SCUBE2: variants seen among roughly 807,000 people sequenced by gnomAD.
The protein encoded by SCUBE2 is signal peptide, CUB domain and EGF like domain containing 2, also known as signal peptide, CUB and EGF-like domain-containing protein 2.
In SCUBE2, 114 loss-of-function variants were observed where a neutral mutation model predicts 125.9. The observed-to-expected ratio is 0.91, with a 90% confidence interval of 0.78 to 1.06. The LOEUF (loss-of-function observed/expected upper bound fraction) is 1.06, where lower values mean the gene tolerates loss of function less well. Ranked by LOEUF, SCUBE2 falls within the 50% of genes least tolerant of loss-of-function variation. The probability of loss-of-function intolerance (pLI) is 0.00; values close to 1 mark genes in which losing one functional copy is unlikely to be tolerated. For synonymous variants in SCUBE2, 459 were observed against 492.9 expected, an observed-to-expected ratio of 0.93 and a Z score of 0.91; for missense variants, 1,255 against 1,301.8, an observed-to-expected ratio of 0.96 and a Z score of 0.55.
At chr11:9,073,691 C>T (rs11042171) in intron 4 of SCUBE2, among the ~76,000 whole-genome samples, 6,883 of 152,150 alleles carry the variant, frequency 0.045, 230 homozygotes, top group Non-Finnish European at 0.063. Flanking sequence ...AGATGCAACT[C>T]CAAGAGGAAC....
In SCUBE2 at chr11:9,048,057, G is replaced by A. The variant is rs1857983591; in HGVS notation, c.1681C>T (p.Leu561Phe). Residue 561 changes from leucine (L) to phenylalanine (F), a missense_variant, in exon 15 of 23, where the codon CTT (leucine) becomes TTT (phenylalanine). Physicochemically the swap from Leu to Phe is conservative, Grantham distance 22 (BLOSUM62 0). Transcript: ENST00000649792. ...ACTTGCTTGCCAGAGCTGCATGTAA[G>A]GTTTACGTAGCGGAAGCTCTCTTTT... ...SVKESFRYVN[L>F]TCSSGKQVPG... 2 of 1,613,990 alleles carry A rather than the reference G, an allele frequency of 1.2e-6. No homozygotes were observed. The highest frequency in any genetic ancestry group is 1.3e-5 in the African/African-American group (1 of 74,924).
At chr11:9,068,354 C>T (rs1035598288) in intron 5 of SCUBE2, among the ~76,000 whole-genome samples, 1 of 152,202 alleles carries the variant, frequency 6.6e-6, no homozygotes. Context: ...AATCGTGGTG[C>T]AGGAGCTGCG....
chr11:9,085,494 A>G (rs995215892), intron 2 of SCUBE2, among the ~76,000 whole-genome samples: 4 of 152,206 alleles, frequency 2.6e-5, no homozygotes, highest in Non-Finnish European at 5.9e-5. Flanking sequence ...TGGGAGGCCA[A>G]GGCAGGCGGA....
At chr11:9,024,243 T>C in intron 21 of SCUBE2, 1 of 1,091,820 alleles carries the variant, frequency 9.2e-7, no homozygotes, top group Non-Finnish European at 1.1e-6. Flanking sequence ...AGTCTCAGTG[T>C]CTTTTTGCTT....
At chr11:9,047,237 G>A (rs902661151) in intron 16 of SCUBE2, 119 bp downstream of exon 16, 22 of 985,430 alleles carry the variant, frequency 2.2e-5, no homozygotes, top group African/African-American at 4.8e-5. Flanking sequence ...AGCACTGCCC[G>A]GAGTGTTCTC....
At chr11:9,040,149 C>T (rs1857085287) in intron 16 of SCUBE2, among the ~76,000 whole-genome samples, 2 of 152,184 alleles carry the variant, frequency 1.3e-5, no homozygotes, top group African/African-American at 4.8e-5. Context: ...CCATCCAAGA[C>T]CCCCAGTGGG....
chr11:9,021,744 A>T (rs1855310195), intron 22 of SCUBE2, 132 bp downstream of exon 22: 3 of 634,134 alleles, frequency 4.7e-6, no homozygotes, highest in Admixed American at 2.5e-5. Context: ...GTGAAGGTAT[A>T]AAACTGACCT....
At chr11:9,051,225 T>TCTACCTACCTACCTACCTAC (rs1555245377) in intron 13 of SCUBE2, among the ~76,000 whole-genome samples, 1 of 132,326 alleles carries the variant, frequency 7.6e-6, no homozygotes, top group African/African-American at 2.9e-5. Flanking sequence ...TATCTATCTA[T>TCTACCTACCTACCTACCTAC]CTACCTACCT....
At position 9,040,582 on chromosome 11, in the gene SCUBE2, T is replaced by C. The variant is rs138765754; in HGVS notation, c.2002+6774A>G. 5.8e-3 allele frequency among the ~76,000 whole-genome samples: 691 copies of C among 118,678 alleles called. 31 individuals are homozygous for C. Among genetic ancestry groups the C allele is most frequent in the Middle Eastern group, 0.012 (2 of 166 alleles). 77.9% of individuals were successfully genotyped at this position (118,678 alleles called of 152,430 possible). A position where few individuals can be genotyped will look rare whatever the true frequency, so the allele number is the denominator to read the frequency against. ...ATGGGTACGTAGGAGAAAGGGAGGA[T>C]TCATATCCCAGGCAGGATGGGGAGG... On this transcript the variant is annotated intron_variant, in intron 16 of 22. Coordinates refer to ENST00000649792, the MANE Select transcript of SCUBE2 (RefSeq NM_001367977.2).
intron 3 of SCUBE2, among the ~76,000 whole-genome samples, chr11:9,077,923 C>A (rs1861331309): frequency 6.6e-6 from 1 of 152,240 alleles, no homozygotes; most frequent in Non-Finnish European, 1.5e-5. Flanking sequence ...AGCCCTGGCC[C>A]AGGTTCCTAG....
chr11:9,031,113 TG>T (rs1856265814), intron 17 of SCUBE2, 188 bp from the exon 18 acceptor site: 1 of 575,162 alleles, frequency 1.7e-6, no homozygotes, highest in African/African-American at 1.9e-5. Context: ...GAGTGCCTGC[TG>T]TTTACACACA....
intron 14 of SCUBE2, 48 bp from the exon 15 acceptor site, chr11:9,048,146 T>G: frequency 6.4e-7 from 1 of 1,566,518 alleles, no homozygotes; most frequent in South Asian, 1.2e-5. Context: ...GGCAAAGCAC[T>G]CAGCTGAACA....
At chr11:9,046,548 A>G (rs1237468013) in intron 16 of SCUBE2, among the ~76,000 whole-genome samples, 1 of 152,158 alleles carries the variant, frequency 6.6e-6, no homozygotes, top group African/African-American at 2.4e-5. Flanking sequence ...GGAGGGGTGC[A>G]GTGTAACCCT....
Position 9,025,692 on chromosome 11 carries a change from C to G in SCUBE2, c.2854+10G>C, listed in dbSNP as rs1855670026. 6.2e-7 allele frequency: 1 copy of G among 1,613,692 alleles called. No individual in the cohort carries two copies. Among genetic ancestry groups the G allele is most frequent in the South Asian group, 1.1e-5 (1 of 90,996 alleles). On this transcript the variant is annotated intron_variant, in intron 21 of 22. Coordinates refer to ENST00000649792, the MANE Select transcript of SCUBE2 (RefSeq NM_001367977.2). ...AGACGCTCTTTCCATGTGCTGCAGG[C>G]TGTGCTTACCATCATATGTCACGTA...
intron 17 of SCUBE2, among the ~76,000 whole-genome samples, chr11:9,031,796 C>A (rs1438293576): frequency 6.6e-6 from 1 of 152,230 alleles, no homozygotes; most frequent in Non-Finnish European, 1.5e-5. Flanking sequence ...AAGATGCTAT[C>A]AAAATCTGCT....
At chr11:9,089,079 A>T (rs1862382184) in intron 2 of SCUBE2, among the ~76,000 whole-genome samples, 1 of 152,174 alleles carries the variant, frequency 6.6e-6, no homozygotes. Flanking sequence ...ACAGTTCATG[A>T]CTCTAGTCCA....
chr11:9,025,223 G>T (rs1242932268), intron 21 of SCUBE2, among the ~76,000 whole-genome samples: 1 of 152,176 alleles, frequency 6.6e-6, no homozygotes, highest in East Asian at 1.9e-4. Flanking sequence ...CAGAACTAAG[G>T]TCCTTCCCTG....
At chr11:9,058,595 CAAAAAAAAA>C (rs61409328) in intron 9 of SCUBE2, among the ~76,000 whole-genome samples, 6 of 44,310 alleles carry the variant, frequency 1.4e-4, no homozygotes, top group African/African-American at 5.1e-4. Flanking sequence ...GACTCTGTCT[CAAAAAAAAA>C]AAAAAAAAAA....
intron 16 of SCUBE2, 148 bp from the exon 17 acceptor site, chr11:9,033,944 G>T (rs752831185): frequency 4.8e-5 from 35 of 732,590 alleles, no homozygotes; most frequent in Non-Finnish European, 6.9e-5. Flanking sequence ...CCCTGCCTTG[G>T]TTCTCTCTGC....
Sources: allele counts gnomAD v4.1 joint callset (sites outside exome capture counted in the v4.1 genomes callset), GRCh38; gene constraint gnomAD v4.1.1; transcripts MANE v1.5; gene names NCBI Gene and HGNC (gene_info 2026-07-23, HGNC 2026-07-21).